The following HS3ST4 variants were observed in gnomAD, a reference collection of about 807,000 sequenced individuals.
HS3ST4 encodes the protein heparan sulfate glucosamine 3-O-sulfotransferase 4.
In HS3ST4, 17 loss-of-function variants were observed where a neutral mutation model predicts 29.2. The ratio of observed to expected loss-of-function variants is 0.58; its 90% confidence interval spans 0.40 to 0.87. The LOEUF (loss-of-function observed/expected upper bound fraction) is 0.87, where lower values mean the gene tolerates loss of function less well. HS3ST4 is among the 40% of genes least tolerant of loss of function. The pLI is 0.00. For synonymous variants in HS3ST4, 314 were observed against 285.7 expected, an observed-to-expected ratio of 1.10 and a Z score of -1.00; for missense variants, 627 against 634.5, an observed-to-expected ratio of 0.99 and a Z score of 0.13.
chr16:25,725,915 A>G (rs1334013570), intron 1 of HS3ST4, among the ~76,000 whole-genome samples: 2 of 152,190 alleles, frequency 1.3e-5, no homozygotes, highest in African/African-American at 4.8e-5. Flanking sequence ...TTCTATTACA[A>G]CAGTGGCTTT....
At chr16:26,023,566 AT>A (rs1240686786) in intron 1 of HS3ST4, among the ~76,000 whole-genome samples, 2 of 151,894 alleles carry the variant, frequency 1.3e-5, no homozygotes, top group East Asian at 3.9e-4. Context: ...GGCCTGGCTA[AT>A]TTTTTTATTT....
intron 1 of HS3ST4, among the ~76,000 whole-genome samples, chr16:25,917,441 G>T (rs1287929642): frequency 2.6e-5 from 4 of 152,166 alleles, no homozygotes; most frequent in African/African-American, 9.7e-5. Flanking sequence ...TTGAACTCCT[G>T]ACCTCCTGAT....
chr16:26,035,061 T>A (rs1438743975), intron 1 of HS3ST4, among the ~76,000 whole-genome samples: 2 of 152,168 alleles, frequency 1.3e-5, no homozygotes. Context: ...GTGCAAGACA[T>A]TGATATAACT....
At chr16:26,000,094 T>C (rs1969200176) in intron 1 of HS3ST4, among the ~76,000 whole-genome samples, 2 of 151,568 alleles carry the variant, frequency 1.3e-5, no homozygotes, top group Non-Finnish European at 2.9e-5. Flanking sequence ...CAGATCAGTA[T>C]AAAAGAGATG....
Position 25,890,663 on chromosome 16 carries a change from C to T in HS3ST4, c.734+197512C>T, listed in dbSNP as rs1194367019. ...TATCTTCAGTCTTCCCAGATCTGAC[C>T]TCTCTGGGGAAATTGAGCCAGCTTA... On this transcript the variant is annotated intron_variant, in intron 1 of 1. Transcript: ENST00000331351. 2.6e-5 allele frequency among the ~76,000 whole-genome samples: 4 copies of T among 152,146 alleles called. 1 individual carries two copies. The highest frequency in any genetic ancestry group is 2.0e-4 in the Admixed American group (3 of 15,272).
intron 1 of HS3ST4, among the ~76,000 whole-genome samples, chr16:26,019,430 T>A (rs191991773): frequency 6.6e-6 from 1 of 152,342 alleles, no homozygotes. Context: ...AATTGAATGG[T>A]TTACTTTATT....
In HS3ST4 at chr16:25,700,262, T is replaced by C. The variant is rs201349608; in HGVS notation, c.734+7111T>C. On this transcript the variant is annotated intron_variant, in intron 1 of 1. Coordinates refer to ENST00000331351, the MANE Select transcript of HS3ST4 (RefSeq NM_006040.3). ...CCACAAAAGAAATGCGGTAAGGAGG[T>C]GGACAGGCTCTGTGGACTTCCATGC... Among the ~76,000 whole-genome samples, 21 of 152,218 alleles carry C rather than the reference T, an allele frequency of 1.4e-4. No individual in the cohort carries two copies. The East Asian group carries it at 4.1e-3, about 29-fold the overall frequency.
chr16:25,782,543 T>C (rs1226893810), intron 1 of HS3ST4, among the ~76,000 whole-genome samples: 1 of 152,212 alleles, frequency 6.6e-6, no homozygotes, highest in Non-Finnish European at 1.5e-5. Flanking sequence ...ACATTACACT[T>C]GATCAGGTTG....
At chr16:26,050,183 A>G (rs1237944674) in intron 1 of HS3ST4, among the ~76,000 whole-genome samples, 1 of 152,152 alleles carries the variant, frequency 6.6e-6, no homozygotes, top group African/African-American at 2.4e-5. Context: ...GAAGCTACCT[A>G]GGGGCTGCCA....
chr16:26,020,245 GCTTGAT>G (rs1395577879), intron 1 of HS3ST4, among the ~76,000 whole-genome samples: 1 of 152,194 alleles, frequency 6.6e-6, no homozygotes, highest in Non-Finnish European at 1.5e-5. Context: ...ATTTTATATT[GCTTGAT>G]CTTGGCCTCA....
intron 1 of HS3ST4, among the ~76,000 whole-genome samples, chr16:25,902,001 G>A (rs1285626716): frequency 6.6e-6 from 1 of 152,160 alleles, no homozygotes; most frequent in East Asian, 1.9e-4. Context: ...GTCTGTTGCT[G>A]GGTCTCTGCT....
intron 1 of HS3ST4, among the ~76,000 whole-genome samples, chr16:25,757,823 C>T (rs2141604750): frequency 6.6e-6 from 1 of 152,176 alleles, no homozygotes; most frequent in South Asian, 2.1e-4. Context: ...AGGTCAAGGA[C>T]TGAGCCTGTC....
At chr16:25,742,660 C>T (rs4632132) in intron 1 of HS3ST4, among the ~76,000 whole-genome samples, 140,044 of 152,254 alleles carry the variant, frequency 0.92, 64,441 homozygotes, top group East Asian at 1. Context: ...TTTGAAAGTG[C>T]CATGCCCTCT....
intron 1 of HS3ST4, among the ~76,000 whole-genome samples, chr16:25,736,999 C>G (rs1340359746): frequency 6.6e-6 from 1 of 152,062 alleles, no homozygotes; most frequent in Non-Finnish European, 1.5e-5. Context: ...CAGGCACCTG[C>G]CATCATGCTT....
intron 1 of HS3ST4, among the ~76,000 whole-genome samples, chr16:25,786,249 G>A (rs1004701475): frequency 1.3e-5 from 2 of 152,138 alleles, no homozygotes; most frequent in African/African-American, 4.8e-5. Flanking sequence ...TTTATAGGCA[G>A]TGAATGGTTG....
At chr16:25,750,748 G>C (rs559646637) in intron 1 of HS3ST4, among the ~76,000 whole-genome samples, 6 of 152,166 alleles carry the variant, frequency 3.9e-5, no homozygotes, top group African/African-American at 1.2e-4. Context: ...GCATGTGAAC[G>C]TGTATGCCTG....
intron 1 of HS3ST4, among the ~76,000 whole-genome samples, chr16:25,738,246 C>T (rs1298085487): frequency 3.9e-5 from 6 of 152,138 alleles, no homozygotes; most frequent in South Asian, 2.1e-4. Flanking sequence ...CTGTCTCCTA[C>T]GGGAAGTTTT....
chr16:25,701,968 T>C (rs1459772151), intron 1 of HS3ST4, among the ~76,000 whole-genome samples: 1 of 152,232 alleles, frequency 6.6e-6, no homozygotes, highest in Non-Finnish European at 1.5e-5. Context: ...AAAAGAAATA[T>C]CTATTTCTGA....
intron 1 of HS3ST4, among the ~76,000 whole-genome samples, chr16:25,718,220 G>T (rs1041424245): frequency 3.9e-5 from 6 of 152,138 alleles, no homozygotes; most frequent in Non-Finnish European, 8.8e-5. Flanking sequence ...TAGGGTTTTT[G>T]GTTACATTTA....
Sources: allele counts gnomAD v4.1 joint callset (sites outside exome capture counted in the v4.1 genomes callset), GRCh38; gene constraint gnomAD v4.1.1; transcripts MANE v1.5; gene names NCBI Gene and HGNC (gene_info 2026-07-23, HGNC 2026-07-21).